AIM2: variants seen among roughly 807,000 people sequenced by gnomAD.
The protein encoded by AIM2 is absent in melanoma 2, also known as interferon-inducible protein AIM2.
AIM2 carries 30 observed loss-of-function variants against 27.7 expected under a neutral mutation model. The observed-to-expected ratio is 1.08, with a 90% CI of 0.81 to 1.47. AIM2 has a LOEUF of 1.47. AIM2 is among the 40% of genes most tolerant of loss of function. The pLI is 0.00. For synonymous variants in AIM2, 141 were observed against 145.3 expected (o/e 0.97, Z 0.21); for missense variants, 358 against 411.3 (o/e 0.87, Z 1.12).
At chr1:159,139,371 C>T (rs546405682) in intron 1 of AIM2, among the ~76,000 whole-genome samples, 1 of 152,178 alleles carries the variant, frequency 6.6e-6, no homozygotes, top group African/African-American at 2.4e-5. Context: ...CATTCAGACC[C>T]TTTCCTTTCC....
At chr1:159,115,168 T>C (rs1028036659) in intron 1 of AIM2, among the ~76,000 whole-genome samples, 10 of 151,964 alleles carry the variant, frequency 6.6e-5, no homozygotes, top group Non-Finnish European at 1.2e-4. Context: ...AAACCACTGC[T>C]CAACGAAATA....
At chr1:159,141,775 T>TG (rs200010084), upstream of AIM2, among the ~76,000 whole-genome samples, 1,337 of 150,470 alleles carry the variant, frequency 8.9e-3, 16 homozygotes, top group Middle Eastern at 0.027. Context: ...CTCTGAGCGG[T>TG]GGGGGGGGAC....
At chr1:159,108,413 A>G (rs1052059276) in intron 1 of AIM2, among the ~76,000 whole-genome samples, 2 of 152,220 alleles carry the variant, frequency 1.3e-5, no homozygotes, top group African/African-American at 4.8e-5. Context: ...AAAGCCATCT[A>G]TGACAAACCC....
rs145394745 is a variant in AIM2 at position 159,073,278 on chromosome 1, A to G, written c.222T>C (p.Tyr74=). 6.2e-6 allele frequency: 10 copies of G among 1,614,216 alleles called. No individual in the cohort carries two copies. Among genetic ancestry groups the G allele is most frequent in the African/African-American group, 1.3e-5 (1 of 75,062 alleles). Residue 74 remains tyrosine, a synonymous_variant, in exon 2 of 6, where the codon TAT becomes TAC. Transcript: ENST00000368130. ...KTIRIFQKLN[Y]MLLAKRLQEE... ...CCTGAAGACGTTTTGCCAAAAGCAT[A>G]TAATTCAACTTCTGAAAAATACGAA...
intron 1 of AIM2, among the ~76,000 whole-genome samples, chr1:159,105,101 A>G (rs1657405078): frequency 6.6e-6 from 1 of 152,216 alleles, no homozygotes. Context: ...AGGGTGAGCC[A>G]GGCACAGAGC....
chr1:159,064,749 G>C (rs1220755369), intron 4 of AIM2, among the ~76,000 whole-genome samples: 1 of 152,200 alleles, frequency 6.6e-6, no homozygotes, highest in Non-Finnish European at 1.5e-5. Flanking sequence ...ACAGGCATGA[G>C]CTGCCGCGCC....
chr1:159,073,255 T>C lies in AIM2; in HGVS notation c.245A>G (p.Gln82Arg), dbSNP rs1003754759. The C allele has an allele frequency of 6.8e-6, 11 of 1,614,206 alleles. No homozygotes were observed. The East Asian group carries it at 1.1e-4, about 16-fold the overall frequency. Reference sequence around the variant, plus strand: ...CACATTACCTTTCTCCTTCTCCTCCTGAAGACGTTTTGCCAAAAGCATATA... The same window carrying C: ...CACATTACCTTTCTCCTTCTCCTCCCGAAGACGTTTTGCCAAAAGCATATA... Reference protein sequence around the residue: ...LNYMLLAKRLQEEKEKVDKQY... With the variant: ...LNYMLLAKRLREEKEKVDKQY... The change falls in exon 2 of 6, where the codon CAG becomes CGG. Residue 82 changes from glutamine (Q) to arginine (R), a missense_variant. By Grantham distance (43) the Gln-to-Arg change is conservative. Transcript: ENST00000368130.
intron 1 of AIM2, among the ~76,000 whole-genome samples, chr1:159,131,004 C>T (rs1173227047): frequency 6.6e-6 from 1 of 152,126 alleles, no homozygotes; most frequent in Non-Finnish European, 1.5e-5. Flanking sequence ...TCCTTCACAG[C>T]TTAATGCCAC....
intron 1 of AIM2, among the ~76,000 whole-genome samples, chr1:159,083,198 T>TA (rs1442966866): frequency 6.6e-6 from 1 of 152,212 alleles, no homozygotes; most frequent in Admixed American, 6.5e-5. Flanking sequence ...AACAGTGATT[T>TA]AATCAACAAT....
At chr1:159,107,936 A>T (rs546263414) in intron 1 of AIM2, among the ~76,000 whole-genome samples, 1 of 152,310 alleles carries the variant, frequency 6.6e-6, no homozygotes, top group South Asian at 2.1e-4. Flanking sequence ...AAAAAAGTCC[A>T]GGACCAGACA....
intron 1 of AIM2, among the ~76,000 whole-genome samples, chr1:159,136,027 G>A (rs1406499839): frequency 6.6e-6 from 1 of 152,144 alleles, no homozygotes; most frequent in Non-Finnish European, 1.5e-5. Context: ...CTTTCCACGG[G>A]GACTAGAATC....
At chr1:159,119,855 TC>T (rs66869062) in intron 1 of AIM2, among the ~76,000 whole-genome samples, 8,910 of 150,944 alleles carry the variant, frequency 0.059, 845 homozygotes, top group African/African-American at 0.2. Flanking sequence ...TATCCCTCTC[TC>T]TTTTTCTCCA....
intron 2 of AIM2, among the ~76,000 whole-genome samples, chr1:159,070,137 T>C (rs1178128657): frequency 6.6e-6 from 1 of 152,222 alleles, no homozygotes; most frequent in African/African-American, 2.4e-5. Context: ...CACATGCTGC[T>C]GAAGAACCAT....
At chr1:159,120,209 A>C (rs747243743) in intron 1 of AIM2, among the ~76,000 whole-genome samples, 2 of 152,186 alleles carry the variant, frequency 1.3e-5, no homozygotes, top group Non-Finnish European at 2.9e-5. Flanking sequence ...GAATAAAACT[A>C]CTGGGTTAAG....
intron 1 of AIM2, among the ~76,000 whole-genome samples, chr1:159,083,947 A>C (rs1297964220): frequency 2.0e-5 from 3 of 152,222 alleles, no homozygotes; most frequent in Non-Finnish European, 4.4e-5. Context: ...CATTCTCTAG[A>C]GTCCCTAATT....
chr1:159,103,446 C>T (rs993215396), intron 1 of AIM2, among the ~76,000 whole-genome samples: 1 of 151,722 alleles, frequency 6.6e-6, no homozygotes, highest in Non-Finnish European at 1.5e-5. Context: ...TAGTGTTCAT[C>T]TCAGAAAGAC....
intron 2 of AIM2, 150 bp from the exon 3 acceptor site, chr1:159,068,851 T>C (rs1656232500): frequency 2.2e-6 from 2 of 893,072 alleles, no homozygotes; most frequent in Non-Finnish European, 3.2e-6. Flanking sequence ...TATTTTAAAA[T>C]GAAAGAAACT....
At chr1:159,056,717 C>CA in the AIM2 span, among the ~76,000 whole-genome samples, 3,393 of 44,196 alleles carry the variant, frequency 0.077, 984 homozygotes, top group Non-Finnish European at 0.095. Flanking sequence ...GCCCAACCGG[C>CA]AAAAAAAAAA....
chr1:159,132,973 A>T (rs1647932031), intron 1 of AIM2, among the ~76,000 whole-genome samples: 1 of 152,242 alleles, frequency 6.6e-6, no homozygotes, highest in African/African-American at 2.4e-5. Flanking sequence ...AAGAAGAAGG[A>T]TAGCCACTGT....
Sources: allele counts gnomAD v4.1 joint callset (sites outside exome capture counted in the v4.1 genomes callset), GRCh38; gene constraint gnomAD v4.1.1; transcripts MANE v1.5; gene names NCBI Gene and HGNC (gene_info 2026-07-23, HGNC 2026-07-21).